NMNAT2: variants seen among roughly 807,000 people sequenced by gnomAD.
The protein encoded by NMNAT2 is nicotinamide nucleotide adenylyltransferase 2.
NMNAT2 carries 11 observed loss-of-function variants against 41.6 expected under a neutral mutation model. The ratio of observed to expected loss-of-function variants is 0.26; its 90% CI spans 0.17 to 0.44. The LOEUF is 0.44. NMNAT2 is among the 20% of genes least tolerant of loss of function. The pLI is 1.00. For missense variants in NMNAT2, 288 were observed against 407.7 expected, an observed-to-expected ratio of 0.71 and a Z score of 2.53; for synonymous variants, 148 against 151.2, an observed-to-expected ratio of 0.98 and a Z score of 0.16.
chr1:183,335,130 T>G (rs1351223606), intron 1 of NMNAT2, among the ~76,000 whole-genome samples: 1 of 152,220 alleles, frequency 6.6e-6, no homozygotes, highest in Non-Finnish European at 1.5e-5. Context: ...GTTGCATTAT[T>G]CCCGTTTTAC....
intron 3 of NMNAT2, among the ~76,000 whole-genome samples, chr1:183,291,441 G>C (rs1163688425): frequency 1.3e-5 from 2 of 152,080 alleles, no homozygotes; most frequent in African/African-American, 4.8e-5. Flanking sequence ...ACTTCACCTG[G>C]CTAAATGGGA....
Position 183,345,600 on chromosome 1 carries a change from G to A in NMNAT2, c.86-51807C>T, listed in dbSNP as rs539426594. On this transcript the variant is annotated intron_variant, in intron 1 of 10. Transcript: ENST00000287713. Reference sequence around the variant, plus strand: ...GTGCTATCTTGGGACTCTTCACAGAGGCCCCCCAGCAGGAAGGCCCTTGTC... The same window carrying A: ...GTGCTATCTTGGGACTCTTCACAGAAGCCCCCCAGCAGGAAGGCCCTTGTC... 7.2e-5 allele frequency among the ~76,000 whole-genome samples: 11 copies of A among 152,248 alleles called. No individual in the cohort carries two copies. In the East Asian group the frequency reaches 1.9e-3, roughly 27 times the overall value.
At position 183,261,045 on chromosome 1, in the gene NMNAT2, C is replaced by T; in HGVS notation, c.778G>A (p.Asp260Asn). The change falls in exon 10 of 11, where the codon GAC (aspartate) becomes AAC (asparagine). Residue 260 changes from aspartate (D) to asparagine (N), a missense_variant. By Grantham distance (23) the Asp-to-Asn change is conservative (BLOSUM62 1). Transcript: ENST00000287713. ...ACAACAGACATGGGATGGTTGATGTCATCCTTCACCACCATGATGTTGTTC... is the reference window on the plus strand; with the variant it reads ...ACAACAGACATGGGATGGTTGATGTTATCCTTCACCACCATGATGTTGTTC... ...YKNNIMVVKD[D>N]INHPMSVVSS... is the part of the protein sequence containing the mutation. 6.2e-7 allele frequency: 1 copy of T among 1,614,054 alleles called. No homozygotes were observed. Among genetic ancestry groups the T allele is most frequent in the Non-Finnish European group, 8.5e-7 (1 of 1,179,952 alleles).
chr1:183,267,384 T>C (rs1660845009), intron 8 of NMNAT2: 2 of 152,218 alleles, frequency 1.3e-5, no homozygotes, highest in African/African-American at 2.4e-5. Flanking sequence ...AATTTTGATA[T>C]AGCATGTGTC....
intron 1 of NMNAT2, among the ~76,000 whole-genome samples, chr1:183,346,984 A>AC (rs985601477): frequency 3.3e-5 from 5 of 151,166 alleles, no homozygotes; most frequent in South Asian, 4.2e-4. Context: ...CTCAGATTCC[A>AC]CCTCCTCCAT....
chr1:183,379,076 C>A (rs1256795672), intron 1 of NMNAT2, among the ~76,000 whole-genome samples: 2 of 76,302 alleles, frequency 2.6e-5, no homozygotes, highest in African/African-American at 8.3e-5. Context: ...ATATCTATAT[C>A]TATATCTATA....
chr1:183,278,417 T>G, intron 8 of NMNAT2, 136 bp downstream of exon 8: 1 of 614,434 alleles, frequency 1.6e-6, no homozygotes, highest in Non-Finnish European at 3.0e-6. Context: ...TAGGTGAGAA[T>G]TTTCTACCAT....
At chr1:183,334,595 C>T (rs584954) in intron 1 of NMNAT2, among the ~76,000 whole-genome samples, 108,033 of 151,390 alleles carry the variant, frequency 0.71, 38,694 homozygotes, top group East Asian at 0.9. Flanking sequence ...GTGCAACCTC[C>T]GCCTCCCAGG....
intron 1 of NMNAT2, among the ~76,000 whole-genome samples, chr1:183,329,780 A>G (rs775680856): frequency 8.5e-5 from 13 of 152,200 alleles, no homozygotes; most frequent in South Asian, 2.1e-4. Flanking sequence ...TGAGTGCTCT[A>G]TGGGGGCATT....
At chr1:183,401,117 G>A (rs1441974376) in intron 1 of NMNAT2, among the ~76,000 whole-genome samples, 1 of 152,176 alleles carries the variant, frequency 6.6e-6, no homozygotes, top group East Asian at 1.9e-4. Flanking sequence ...TGCCATCAGA[G>A]TTAACAGGCA....
intron 1 of NMNAT2, among the ~76,000 whole-genome samples, chr1:183,326,313 T>C (rs1424267707): frequency 7.7e-6 from 1 of 129,698 alleles, no homozygotes; most frequent in Admixed American, 9.2e-5. Context: ...GAGGTGGAGG[T>C]TGTAGTGGGC....
chr1:183,386,293 C>T (rs1648240025), intron 1 of NMNAT2, among the ~76,000 whole-genome samples: 2 of 151,636 alleles, frequency 1.3e-5, no homozygotes, highest in Admixed American at 1.3e-4. Context: ...AAGGTGTCCC[C>T]CACCAAAAAA....
intron 1 of NMNAT2, among the ~76,000 whole-genome samples, chr1:183,413,049 T>C (rs1299512041): frequency 6.6e-6 from 1 of 152,236 alleles, no homozygotes; most frequent in Non-Finnish European, 1.5e-5. Flanking sequence ...CTGGCTCACT[T>C]GTATAATGCT....
At chr1:183,378,787 T>C (rs975704590) in intron 1 of NMNAT2, among the ~76,000 whole-genome samples, 2 of 123,894 alleles carry the variant, frequency 1.6e-5, no homozygotes, top group Non-Finnish European at 3.3e-5. Flanking sequence ...CTCATGCTTG[T>C]AATCCCAGCA....
chr1:183,286,584 G>A, intron 5 of NMNAT2, 78 bp downstream of exon 5: 1 of 1,270,998 alleles, frequency 7.9e-7, no homozygotes, highest in Non-Finnish European at 1.1e-6. Flanking sequence ...AGTTCTGGGT[G>A]GATCCCAGTA....
intron 1 of NMNAT2, among the ~76,000 whole-genome samples, chr1:183,318,814 G>A (rs960001359): frequency 6.6e-5 from 10 of 152,212 alleles, no homozygotes; most frequent in African/African-American, 2.4e-4. Flanking sequence ...TGGGAGCCTG[G>A]GGCAGGAAAG....
At chr1:183,288,610 C>A (rs1253739345) in intron 4 of NMNAT2, among the ~76,000 whole-genome samples, 4 of 152,238 alleles carry the variant, frequency 2.6e-5, no homozygotes, top group Non-Finnish European at 5.9e-5. Context: ...ATGGCCAGCA[C>A]TGAGGAATGC....
intron 1 of NMNAT2, among the ~76,000 whole-genome samples, chr1:183,312,140 C>T (rs1355688207): frequency 1.3e-5 from 2 of 152,014 alleles, no homozygotes; most frequent in East Asian, 1.9e-4. Flanking sequence ...AGTGTGAAAA[C>T]GGACTAATAC....
At chr1:183,387,239 G>GTT (rs35560352) in intron 1 of NMNAT2, among the ~76,000 whole-genome samples, 198 of 143,834 alleles carry the variant, frequency 1.4e-3, no homozygotes, top group East Asian at 4.2e-3. Flanking sequence ...AGATCCCTGT[G>GTT]TTTTTTTTTT....
Sources: allele counts gnomAD v4.1 joint callset (sites outside exome capture counted in the v4.1 genomes callset), GRCh38; gene constraint gnomAD v4.1.1; transcripts MANE v1.5; gene names NCBI Gene and HGNC (gene_info 2026-07-23, HGNC 2026-07-21).